Variants in AGPAT4 observed in about 807,000 individuals in gnomAD.
AGPAT4 encodes the protein 1-acylglycerol-3-phosphate O-acyltransferase 4.
A neutral mutation model predicts 48.0 loss-of-function variants in AGPAT4; 15 were observed. The observed-to-expected ratio is 0.31, with a 90% confidence interval of 0.21 to 0.48. The LOEUF (loss-of-function observed/expected upper bound fraction) is 0.48. AGPAT4 is among the 20% of genes least tolerant of loss of function. The pLI, the probability that AGPAT4 is intolerant of heterozygous loss-of-function variation, is 0.99. For missense variants in AGPAT4, 314 were observed against 482.5 expected, an observed-to-expected ratio of 0.65 and a Z score of 3.27; for synonymous variants, 178 against 198.7, an observed-to-expected ratio of 0.90 and a Z score of 0.88.
chr6:161,186,344 C>T (rs892451355), intron 2 of AGPAT4, among the ~76,000 whole-genome samples: 3 of 152,170 alleles, frequency 2.0e-5, no homozygotes, highest in African/African-American at 7.2e-5. Context: ...TGCCACCTCC[C>T]TGCTGTCTCC....
intron 2 of AGPAT4, among the ~76,000 whole-genome samples, chr6:161,211,730 G>A (rs568124672): frequency 1.3e-5 from 2 of 152,230 alleles, no homozygotes; most frequent in Admixed American, 1.3e-4. Context: ...TATTTCATCT[G>A]TATATCTCTC....
Position 161,264,427 on chromosome 6 carries a change from C to T in AGPAT4, c.-90+9511G>A, listed in dbSNP as rs1184165789. On this transcript the variant is annotated intron_variant, in intron 1 of 8. Coordinates refer to ENST00000320285, the MANE Select transcript of AGPAT4 (RefSeq NM_020133.3). This position sits in a 1 kb window ranked among gnomAD's most constrained non-coding sequence, Gnocchi z 6.8. ...CCCACTCCTCTGGTCTCTGGCACTC[C>T]GTGAGAAGCGTGCACACTGGGACCA... Among the ~76,000 whole-genome samples the T allele has an allele frequency of 1.3e-5, 2 of 152,164 alleles. No individual in the cohort carries two copies. Among genetic ancestry groups the T allele is most frequent in the Admixed American group, 6.5e-5 (1 of 15,272 alleles).
At position 161,251,042 on chromosome 6, in the gene AGPAT4, G is replaced by A. The variant is rs556980358; in HGVS notation, c.-89-18740C>T. ...TTATTTTTATTCTTAGCTTATTGGA[G>A]GTTTAAATTACGATGAAGTAAGAAC... On this transcript the variant is annotated intron_variant, in intron 1 of 8. Transcript: ENST00000320285. The surrounding 1 kb of genome is among the most constrained non-coding windows in gnomAD (Gnocchi z 4.6). 4.6e-5 allele frequency among the ~76,000 whole-genome samples: 7 copies of A among 152,142 alleles called. No homozygotes were observed. Among genetic ancestry groups the A allele is most frequent in the African/African-American group, 1.7e-4 (7 of 41,502 alleles).
chr6:161,139,385 G>A lies in AGPAT4; in HGVS notation c.1042+37C>T, dbSNP rs769934381. The A allele has an allele frequency of 1.2e-6, 2 of 1,605,844 alleles. No individual in the cohort carries two copies. Among genetic ancestry groups the A allele is most frequent in the South Asian group, 2.2e-5 (2 of 90,632 alleles). On this transcript the variant is annotated intron_variant, in intron 8 of 8. Coordinates refer to ENST00000320285, the MANE Select transcript of AGPAT4 (RefSeq NM_020133.3). The surrounding 1 kb of genome is among the most constrained non-coding windows in gnomAD (Gnocchi z 9.1). ...CTGATGCCACCTCTCCCAGGGTGGT[G>A]CTGTCAGCACCCACCAGCCCCTTGC...
Position 161,143,717 on chromosome 6 carries a change from C to T in AGPAT4, c.843+2807G>A, listed in dbSNP as rs1166777430. ...ACTGTGCATTTTTCATAAAGCTAAA[C>T]TAGGTCCACTCAAAGGATGGCCCTG... On this transcript the variant is annotated intron_variant, in intron 7 of 8. Transcript: ENST00000320285. The surrounding 1 kb of genome is among the most constrained non-coding windows in gnomAD (Gnocchi z 4.7). Among the ~76,000 whole-genome samples the T allele has an allele frequency of 2.0e-5, 3 of 152,248 alleles. No homozygotes were observed. The highest frequency in any genetic ancestry group is 6.5e-5 in the Admixed American group (1 of 15,288).
At position 161,148,683 on chromosome 6, in the gene AGPAT4, A is replaced by C. The variant is rs1318744352; in HGVS notation, c.767+504T>G. ...CCCACTGATTTTGGTGACATTCTGG[A>C]GGTGTTCAGCCCATTCTATAAGCAG... is the stretch of plus-strand genomic sequence containing the variant. On this transcript the variant is annotated intron_variant, in intron 6 of 8. Coordinates refer to ENST00000320285, the MANE Select transcript of AGPAT4 (RefSeq NM_020133.3). This position sits in a 1 kb window ranked among gnomAD's most constrained non-coding sequence, Gnocchi z 5.5. Among the ~76,000 whole-genome samples the C allele has an allele frequency of 2.6e-5, 4 of 152,196 alleles. No homozygotes were observed. The highest frequency in any genetic ancestry group is 9.6e-5 in the African/African-American group (4 of 41,454).
chr6:161,142,554 CA>C lies in AGPAT4; in HGVS notation c.844-2935del, dbSNP rs1779288315. 6.6e-6 allele frequency among the ~76,000 whole-genome samples: 1 copy of C among 152,178 alleles called. No individual in the cohort carries two copies. Among genetic ancestry groups the C allele is most frequent in the South Asian group, 2.1e-4 (1 of 4,826 alleles). ...CAGATCCCCGGACGAACGCCCCCTG[CA>C]GCCCGCAACAAAGGCACTAGGGAGG... On this transcript the variant is annotated intron_variant, in intron 7 of 8. Transcript: ENST00000320285. This position sits in a 1 kb window ranked among gnomAD's most constrained non-coding sequence, Gnocchi z 6.4.
chr6:161,210,876 A>G (rs1781504470), intron 2 of AGPAT4, among the ~76,000 whole-genome samples: 1 of 152,212 alleles, frequency 6.6e-6, no homozygotes, highest in Non-Finnish European at 1.5e-5. Context: ...TTAAATAAAA[A>G]TAGCTACATC....
In AGPAT4 at chr6:161,154,092, C is replaced by A; in HGVS notation, c.510+57G>T. The A allele has an allele frequency of 1.9e-6, 3 of 1,611,098 alleles. No individual in the cohort carries two copies. The highest frequency in any genetic ancestry group is 2.5e-6 in the Non-Finnish European group (3 of 1,178,842). On this transcript the variant is annotated intron_variant, in intron 4 of 8. Transcript: ENST00000320285. This position sits in a 1 kb window ranked among gnomAD's most constrained non-coding sequence, Gnocchi z 7.8. ...GTCCTGTGGAAGTCACATGGGGGTC[C>A]CACGGTCACAGTCCTGCAGGAGCCC...
rs1018924571 is a variant in AGPAT4 at position 161,260,704 on chromosome 6, T to C, written c.-90+13234A>G. On this transcript the variant is annotated intron_variant, in intron 1 of 8. Transcript: ENST00000320285. ...AAAACAGGATTCAGCCTGGGCAACATGGCAAAACTCCCTCTCTACACAAAA... is the reference window on the plus strand; with the variant it reads ...AAAACAGGATTCAGCCTGGGCAACACGGCAAAACTCCCTCTCTACACAAAA... 5.5e-4 allele frequency among the ~76,000 whole-genome samples: 67 copies of C among 121,960 alleles called. 1 individual carries two copies. The highest frequency in any genetic ancestry group is 1.2e-4 in the Non-Finnish European group (7 of 57,388). The allele number at this position is 121,960 out of a possible 152,430, so 80.0% of individuals were successfully genotyped here.
chr6:161,151,095 G>A (rs1355978654), intron 5 of AGPAT4, among the ~76,000 whole-genome samples: 1 of 152,226 alleles, frequency 6.6e-6, no homozygotes, highest in Non-Finnish European at 1.5e-5. Context: ...GAGCCAGCCT[G>A]ATTCTAACTG....
intron 2 of AGPAT4, among the ~76,000 whole-genome samples, chr6:161,193,133 C>A (rs191389791): frequency 6.6e-6 from 1 of 152,194 alleles, no homozygotes; most frequent in African/African-American, 2.4e-5. Flanking sequence ...CCCTCCATCC[C>A]CATCTTCTGG....
In AGPAT4 at chr6:161,242,476, C is replaced by T. The variant is rs1313448166; in HGVS notation, c.-89-10174G>A. On this transcript the variant is annotated intron_variant, in intron 1 of 8. Transcript: ENST00000320285. The surrounding 1 kb of genome is among the most constrained non-coding windows in gnomAD (Gnocchi z 5.0). ...CACCTTTTCTCCAAGTAGAAGGCCA[C>T]ATCCTCCAAACCCCATCCAGCTCGC... 6.6e-6 allele frequency among the ~76,000 whole-genome samples: 1 copy of T among 152,174 alleles called. No homozygotes were observed. Among genetic ancestry groups the T allele is most frequent in the Non-Finnish European group, 1.5e-5 (1 of 68,036 alleles).
In AGPAT4 at chr6:161,272,391, A is replaced by G. The variant is rs181306244; in HGVS notation, c.-90+1547T>C. ...TCATGAATGGGATTACTACTTATCT[A>G]TTTTATAAAAGCTAATTATTTGGGA... On this transcript the variant is annotated intron_variant, in intron 1 of 8. Coordinates refer to ENST00000320285, the MANE Select transcript of AGPAT4 (RefSeq NM_020133.3). The surrounding 1 kb of genome is among the most constrained non-coding windows in gnomAD (Gnocchi z 4.2). 1.9e-3 allele frequency among the ~76,000 whole-genome samples: 291 copies of G among 152,276 alleles called. 2 individuals are homozygous for G. Among genetic ancestry groups the G allele is most frequent in the Non-Finnish European group, 2.9e-3 (196 of 68,020 alleles).
intron 2 of AGPAT4, among the ~76,000 whole-genome samples, chr6:161,168,112 G>A (rs1302556934): frequency 6.6e-6 from 1 of 151,576 alleles, no homozygotes; most frequent in Non-Finnish European, 1.5e-5. Flanking sequence ...GGTTGTGGGG[G>A]CAGGAAGGCG....
At position 161,197,605 on chromosome 6, in the gene AGPAT4, T is replaced by C. The variant is rs1283383244; in HGVS notation, c.179-31188A>G. On this transcript the variant is annotated intron_variant, in intron 2 of 8. Coordinates refer to ENST00000320285, the MANE Select transcript of AGPAT4 (RefSeq NM_020133.3). The surrounding 1 kb of genome is among the most constrained non-coding windows in gnomAD (Gnocchi z 5.7). ...CATGTTTTCCTCTCCTGAACCACTCTGCCTCCTTGCCAGACATCTTTACAT... is the reference window on the plus strand; with the variant it reads ...CATGTTTTCCTCTCCTGAACCACTCCGCCTCCTTGCCAGACATCTTTACAT... 2.0e-5 allele frequency among the ~76,000 whole-genome samples: 3 copies of C among 152,184 alleles called. No homozygotes were observed. Among genetic ancestry groups the C allele is most frequent in the Admixed American group, 2.0e-4 (3 of 15,276 alleles).
Position 161,218,176 on chromosome 6 carries a change from C to T in AGPAT4, c.178+13860G>A, listed in dbSNP as rs146189082. On this transcript the variant is annotated intron_variant, in intron 2 of 8. Coordinates refer to ENST00000320285, the MANE Select transcript of AGPAT4 (RefSeq NM_020133.3). The surrounding 1 kb of genome is among the most constrained non-coding windows in gnomAD (Gnocchi z 4.7). The stretch of plus-strand genomic sequence containing the variant: ...AGCTCTCTACCCCCGTCCACAGTGA[C>T]GGTGCCAATGGTGCTGTGCTGGAAA... Among the ~76,000 whole-genome samples the T allele has an allele frequency of 1.2e-3, 188 of 152,314 alleles. 1 individual carries two copies. Among genetic ancestry groups the T allele is most frequent in the African/African-American group, 4.1e-3 (170 of 41,564 alleles).
At position 161,232,115 on chromosome 6, in the gene AGPAT4, G is replaced by A; in HGVS notation, c.99C>T (p.Leu33=). Residue 33 remains leucine, a synonymous_variant, in exon 2 of 9, where the codon CTC becomes CTT. Coordinates refer to ENST00000320285, the MANE Select transcript of AGPAT4 (RefSeq NM_020133.3). This position sits in a 1 kb window ranked among gnomAD's most constrained non-coding sequence, Gnocchi z 6.8. The part of the protein sequence containing the change: ...ASGLIINTIQ[L]FTLLLWPINK... ...TAATGGGCCAGAGGAGGAGAGTGAA[G>A]AGCTGAATGGTGTTGATGATTAGCC... The A allele has an allele frequency of 6.4e-7, 1 of 1,570,918 alleles. No homozygotes were observed. The highest frequency in any genetic ancestry group is 8.8e-7 in the Non-Finnish European group (1 of 1,140,666).
rs1019698798 is a variant in AGPAT4, at chr6:161,166,708, C to T, written c.179-291G>A. On this transcript the variant is annotated intron_variant, in intron 2 of 8. Transcript: ENST00000320285. The surrounding 1 kb of genome is among the most constrained non-coding windows in gnomAD (Gnocchi z 6.7). ...GAAAATAAATCAGAAAGCCAGAATCCGTCAAGAATTCATGCCCTTGTGTTT... is the reference window on the plus strand; with the variant it reads ...GAAAATAAATCAGAAAGCCAGAATCTGTCAAGAATTCATGCCCTTGTGTTT... 2.0e-5 allele frequency among the ~76,000 whole-genome samples: 3 copies of T among 152,132 alleles called. No homozygotes were observed. Among genetic ancestry groups the T allele is most frequent in the South Asian group, 2.1e-4 (1 of 4,832 alleles).
Sources: allele counts gnomAD v4.1 joint callset (sites outside exome capture counted in the v4.1 genomes callset), GRCh38; gene constraint gnomAD v4.1.1; non-coding constraint Gnocchi (gnomAD v3.1); transcripts MANE v1.5; gene names NCBI Gene and HGNC (gene_info 2026-07-23, HGNC 2026-07-21).